The following CNST variants were observed in gnomAD, a reference collection of about 807,000 sequenced individuals.
CNST encodes the protein consortin.
CNST carries 39 observed loss-of-function variants against 72.4 expected under a neutral mutation model. The ratio of observed to expected loss-of-function variants is 0.54; its 90% confidence interval spans 0.42 to 0.70. The LOEUF is 0.70. CNST is among the 30% of genes least tolerant of loss of function. The probability of loss-of-function intolerance (pLI) is 0.00; values close to 1 mark genes in which losing one functional copy is unlikely to be tolerated. For missense variants in CNST, 871 were observed against 868.5 expected, an observed-to-expected ratio of 1.00 and a Z score of -0.04; for synonymous variants, 332 against 320.1, an observed-to-expected ratio of 1.04 and a Z score of -0.40.
intron 8 of CNST, among the ~76,000 whole-genome samples, chr1:246,645,145 C>T (rs1302130345): frequency 6.6e-6 from 1 of 152,030 alleles, no homozygotes; most frequent in Non-Finnish European, 1.5e-5. Context: ...CTCAGCAGCC[C>T]GAAGTTGAGT....
intron 1 of CNST, among the ~76,000 whole-genome samples, chr1:246,586,111 A>ATATATATGTGTGTG (rs777928408): frequency 1.7e-4 from 17 of 102,700 alleles, no homozygotes; most frequent in African/African-American, 6.8e-4. Flanking sequence ...ATATATATAT[A>ATATATATGTGTGTG]TGTGTGTGTG....
rs114804301 is a variant in CNST, at chr1:246,580,699, G to A, written c.-51-10813G>A. Reference sequence around the variant, plus strand: ...CTTTTAAAGATTCAGCATATTTTACGGGGATTTAATTTTGAGAACATTGGT... The same window carrying A: ...CTTTTAAAGATTCAGCATATTTTACAGGGATTTAATTTTGAGAACATTGGT... On this transcript the variant is annotated intron_variant, in intron 1 of 10. Transcript: ENST00000366513. Among the ~76,000 whole-genome samples, 593 of 152,138 alleles carry A rather than the reference G, an allele frequency of 3.9e-3. 3 individuals carry two copies. The highest frequency in any genetic ancestry group is 0.014 in the African/African-American group (569 of 41,502).
chr1:246,634,020 G>T lies in CNST; in HGVS notation c.703+10G>T. 1 of 1,549,250 alleles carries T rather than the reference G, an allele frequency of 6.5e-7. No homozygotes were observed. Among genetic ancestry groups the T allele is most frequent in the Non-Finnish European group, 8.9e-7 (1 of 1,122,370 alleles). ...ATTCAAGAACAGTGGGGTAAGTACA[G>T]ACCAACATGGAATGTGGAATTAGCA... On this transcript the variant is annotated intron_variant, in intron 5 of 10. Coordinates refer to ENST00000366513, the MANE Select transcript of CNST (RefSeq NM_152609.3).
intron 10 of CNST, among the ~76,000 whole-genome samples, chr1:246,660,853 G>A (rs937260205): frequency 7.2e-5 from 11 of 152,156 alleles, no homozygotes; most frequent in Non-Finnish European, 1.3e-4. Flanking sequence ...AAATAAGTGA[G>A]CAAGCTGCAA....
intron 2 of CNST, among the ~76,000 whole-genome samples, chr1:246,610,012 G>A (rs1489443849): frequency 6.6e-6 from 1 of 152,202 alleles, no homozygotes; most frequent in African/African-American, 2.4e-5. Flanking sequence ...GCCAGGCGCA[G>A]TGGCTCAGGC....
intron 2 of CNST, 74 bp from the exon 3 acceptor site, chr1:246,621,355 T>A: frequency 8.6e-7 from 1 of 1,164,224 alleles, no homozygotes. Context: ...CATCAAACTA[T>A]ATGTAATTGT....
At chr1:246,604,514 G>A (rs796518296) in intron 2 of CNST, among the ~76,000 whole-genome samples, 2 of 152,188 alleles carry the variant, frequency 1.3e-5, no homozygotes, top group African/African-American at 4.8e-5. Context: ...GAGAATCTCT[G>A]ATGTTAGTAG....
chr1:246,643,800 C>G (rs1665870329), intron 8 of CNST, among the ~76,000 whole-genome samples: 1 of 152,168 alleles, frequency 6.6e-6, no homozygotes, highest in African/African-American at 2.4e-5. Context: ...ATGTGGGTGA[C>G]TCTCCGAATG....
intron 2 of CNST, among the ~76,000 whole-genome samples, chr1:246,592,541 C>G (rs1051712959): frequency 1.3e-5 from 2 of 152,150 alleles, no homozygotes; most frequent in Non-Finnish European, 2.9e-5. Context: ...CATGTTTTCA[C>G]ATTAGGTACT....
intron 2 of CNST, among the ~76,000 whole-genome samples, chr1:246,620,414 C>A (rs1291139766): frequency 6.8e-4 from 2 of 2,940 alleles, no homozygotes; most frequent in Non-Finnish European, 1.7e-3. Flanking sequence ...GGGCTCTGGG[C>A]ACACTCTACA....
intron 9 of CNST, among the ~76,000 whole-genome samples, chr1:246,657,807 A>G (rs75050801): frequency 0.046 from 7,064 of 152,156 alleles, 413 homozygotes; most frequent in East Asian, 0.19. Context: ...TGATTTCAGG[A>G]GCTTCTCTTC....
chr1:246,566,849 C>T (rs1263405767), intron 1 of CNST, 186 bp downstream of exon 1: 1 of 394,504 alleles, frequency 2.5e-6, no homozygotes, highest in Non-Finnish European at 4.5e-6. Flanking sequence ...TTTTCCTCTC[C>T]TTTCTCAGCT....
rs1173641227 is a variant in CNST at position 246,570,569 on chromosome 1, C to G, written c.-52+3906C>G. Among the ~76,000 whole-genome samples the G allele has an allele frequency of 2.0e-5, 3 of 152,208 alleles. No homozygotes were observed. The East Asian group carries it at 5.8e-4, about 29-fold the overall frequency. On this transcript the variant is annotated intron_variant, in intron 1 of 10. Coordinates refer to ENST00000366513, the MANE Select transcript of CNST (RefSeq NM_152609.3). ...CTCTGTCAAATATAGTCATGATAGA[C>G]CTGGCACAATGTAGGGACTATGGGG...
At chr1:246,660,850 T>C (rs2103168333) in intron 10 of CNST, among the ~76,000 whole-genome samples, 1 of 152,372 alleles carries the variant, frequency 6.6e-6, no homozygotes, top group East Asian at 1.9e-4. Context: ...CTTAAATAAG[T>C]GAGCAAGCTG....
intron 9 of CNST, among the ~76,000 whole-genome samples, chr1:246,655,941 C>T (rs1055453530): frequency 2.0e-5 from 3 of 152,028 alleles, no homozygotes; most frequent in Admixed American, 6.5e-5. Context: ...ATTATGGAAC[C>T]CAACACTAAA....
chr1:246,623,525 G>T (rs1353855009), intron 3 of CNST, among the ~76,000 whole-genome samples: 1 of 152,136 alleles, frequency 6.6e-6, no homozygotes, highest in Non-Finnish European at 1.5e-5. Flanking sequence ...GCCGAGGTGG[G>T]TGGATCATGT....
In CNST at chr1:246,646,558, G is replaced by A. The variant is rs370161730; in HGVS notation, c.938-581G>A. ...TGCAATGGCGTGATCTCAGGTAACCGCAGCCTCCGCCTCCCGGGTTCAAGC... is the reference window on the plus strand; with the variant it reads ...TGCAATGGCGTGATCTCAGGTAACCACAGCCTCCGCCTCCCGGGTTCAAGC... On this transcript the variant is annotated intron_variant, in intron 8 of 10. Transcript: ENST00000366513. Among the ~76,000 whole-genome samples the A allele has an allele frequency of 1.3e-4, 20 of 152,196 alleles. 2 individuals carry two copies. The highest frequency in any genetic ancestry group is 2.0e-4 in the Admixed American group (3 of 15,284).
chr1:246,602,450 T>C (rs1205775769), intron 2 of CNST, among the ~76,000 whole-genome samples: 2 of 152,208 alleles, frequency 1.3e-5, no homozygotes, highest in Non-Finnish European at 2.9e-5. Flanking sequence ...ACATGGTTCT[T>C]GGCAGGCTTC....
In CNST at chr1:246,647,376, A is replaced by G; in HGVS notation, c.1175A>G (p.Asp392Gly). The change falls in exon 9 of 11, where the codon GAT (aspartate) becomes GGT (glycine). Residue 392 changes from aspartate to glycine, a missense_variant. Asp to Gly is a moderately conservative substitution (Grantham distance 94, BLOSUM62 -1). Coordinates refer to ENST00000366513, the MANE Select transcript of CNST (RefSeq NM_152609.3). Reference sequence around the variant, plus strand: ...CCGTCTGGGCCAGACTCTTCTGAGGATGCTTGTGAGGATGACAGTCGCTTG... The same window carrying G: ...CCGTCTGGGCCAGACTCTTCTGAGGGTGCTTGTGAGGATGACAGTCGCTTG... The part of the protein sequence containing the change: ...GSPSGPDSSE[D>G]ACEDDSRLQL... 3.1e-6 allele frequency: 5 copies of G among 1,613,758 alleles called. No individual in the cohort carries two copies. Among genetic ancestry groups the G allele is most frequent in the Non-Finnish European group, 4.2e-6 (5 of 1,179,956 alleles).
Sources: gnomAD v4.1 joint callset for allele counts (sites outside exome capture counted in the v4.1 genomes callset) on GRCh38, gnomAD v4.1.1 for gene constraint, MANE v1.5 for transcripts, NCBI Gene and HGNC (gene_info 2026-07-23, HGNC 2026-07-21) for gene names.